Variants in SFMBT2 observed in about 807,000 individuals in gnomAD.
SFMBT2 encodes Scm like with four mbt domains 2, also known as scm-like with four MBT domains protein 2.
A neutral mutation model predicts 110.1 loss-of-function variants in SFMBT2; 38 were observed. The observed-to-expected ratio is 0.35, with a 90% CI of 0.27 to 0.45. The LOEUF is 0.45. Ranked by LOEUF, SFMBT2 falls within the 20% of genes least tolerant of loss-of-function variation. The pLI is 1.00. For missense variants in SFMBT2, 1,011 were observed against 1,094.9 expected (o/e 0.92, Z 1.08); for synonymous variants, 425 against 425.4 (o/e 1.00, Z 0.01).
At chr10:7,335,582 A>AACACACACACACACACACAC (rs3065781) in intron 4 of SFMBT2, among the ~76,000 whole-genome samples, 1 of 142,882 alleles carries the variant, frequency 7.0e-6, no homozygotes, top group African/African-American at 2.6e-5. Flanking sequence ...CAGAAACAGA[A>AACACACACACACACACACAC]ACACACACAC....
intron 4 of SFMBT2, among the ~76,000 whole-genome samples, chr10:7,326,051 T>A (rs1473726831): frequency 1.3e-5 from 2 of 152,224 alleles, no homozygotes; most frequent in Non-Finnish European, 2.9e-5. Context: ...AAAATAAATG[T>A]ACACTGATAT....
At chr10:7,349,440 C>CTTTTT (rs369479041) in intron 4 of SFMBT2, among the ~76,000 whole-genome samples, 557 of 46,888 alleles carry the variant, frequency 0.012, 127 homozygotes, top group African/African-American at 0.039. Flanking sequence ...CTTTTCTTTT[C>CTTTTT]TTTTTTTTTT....
intron 7 of SFMBT2, among the ~76,000 whole-genome samples, chr10:7,263,538 G>A (rs1052648904): frequency 6.6e-5 from 10 of 152,264 alleles, no homozygotes; most frequent in South Asian, 2.1e-4. Flanking sequence ...CACCGTGCCC[G>A]GCCAACAGCC....
chr10:7,205,046 G>C (rs992954343), intron 12 of SFMBT2: 1 of 489,036 alleles, frequency 2.0e-6, no homozygotes. Flanking sequence ...TGAAATATCA[G>C]TGATTAGTTA....
intron 11 of SFMBT2, chr10:7,214,855 G>GCAT: frequency 1.4e-6 from 1 of 726,064 alleles, no homozygotes; most frequent in Non-Finnish European, 1.7e-6. Flanking sequence ...TTTATAACAG[G>GCAT]GCTCCCCAGT....
chr10:7,367,009 C>T lies in SFMBT2; in HGVS notation c.436+640G>A, dbSNP rs1261886975. ...ACTAAATTGATCATATCTATATGGG[C>T]TTTGACCACTCCCTTGAGACCAATG... On this transcript the variant is annotated intron_variant, in intron 4 of 20. Coordinates refer to ENST00000397167, the MANE Select transcript of SFMBT2 (RefSeq NM_001387889.1). This position sits in a 1 kb window ranked among gnomAD's most constrained non-coding sequence, Gnocchi z 6.2. Among the ~76,000 whole-genome samples the T allele has an allele frequency of 6.6e-6, 1 of 151,920 alleles. No individual in the cohort carries two copies. Among genetic ancestry groups the T allele is most frequent in the African/African-American group, 2.4e-5 (1 of 41,364 alleles).
chr10:7,383,459 C>T (rs562222954), intron 1 of SFMBT2, among the ~76,000 whole-genome samples: 27 of 152,330 alleles, frequency 1.8e-4, no homozygotes, highest in Non-Finnish European at 2.1e-4. Context: ...GTACCAGGTA[C>T]ATAGCACTGA....
chr10:7,352,749 C>T (rs1471758166), intron 4 of SFMBT2, among the ~76,000 whole-genome samples: 16 of 152,318 alleles, frequency 1.1e-4, no homozygotes, highest in South Asian at 1.0e-3. Context: ...TGGTGGCTCA[C>T]GCCTGTAATC....
At chr10:7,320,185 T>C (rs1162793163) in intron 4 of SFMBT2, among the ~76,000 whole-genome samples, 1 of 152,248 alleles carries the variant, frequency 6.6e-6, no homozygotes, top group Non-Finnish European at 1.5e-5. Context: ...CTGTCATACA[T>C]GCGAAGTGAT....
At chr10:7,350,599 C>T (rs1844280826) in intron 4 of SFMBT2, among the ~76,000 whole-genome samples, 1 of 152,206 alleles carries the variant, frequency 6.6e-6, no homozygotes, top group African/African-American at 2.4e-5. Flanking sequence ...CTTGTCATTG[C>T]TCCAGGCTCA....
At chr10:7,164,960 C>T (rs369805015) in intron 20 of SFMBT2, among the ~76,000 whole-genome samples, 3 of 152,146 alleles carry the variant, frequency 2.0e-5, no homozygotes, top group African/African-American at 7.2e-5. Flanking sequence ...AAGACCCACT[C>T]CAAAGCTCTA....
intron 4 of SFMBT2, among the ~76,000 whole-genome samples, chr10:7,342,291 T>A (rs571309729): frequency 9.9e-5 from 15 of 151,570 alleles, no homozygotes; most frequent in Admixed American, 7.9e-4. Flanking sequence ...TAAGCATACA[T>A]GCCTGTGCAA....
Position 7,367,930 on chromosome 10 carries a change from G to C in SFMBT2, c.196-41C>G. 6.3e-7 allele frequency: 1 copy of C among 1,597,828 alleles called. No homozygotes were observed. Among genetic ancestry groups the C allele is most frequent in the Non-Finnish European group, 8.5e-7 (1 of 1,170,492 alleles). The stretch of plus-strand genomic sequence containing the variant: ...ATAGAGAAAACCCATTACTACACTA[G>C]ACACAATACATCCAGAAGATGACAA... On this transcript the variant is annotated intron_variant, in intron 3 of 20. Transcript: ENST00000397167. The surrounding 1 kb of genome is among the most constrained non-coding windows in gnomAD (Gnocchi z 6.2).
chr10:7,324,830 G>A (rs531555734), intron 4 of SFMBT2, among the ~76,000 whole-genome samples: 1 of 152,156 alleles, frequency 6.6e-6, no homozygotes, highest in Admixed American at 6.5e-5. Context: ...GTGTGCTCAG[G>A]CAGAGAAGGG....
chr10:7,262,664 G>T (rs1225689864), intron 7 of SFMBT2, among the ~76,000 whole-genome samples: 3 of 152,200 alleles, frequency 2.0e-5, no homozygotes, highest in Non-Finnish European at 4.4e-5. Context: ...CTATCTAACG[G>T]ACTGCAGACA....
At chr10:7,354,193 T>A (rs1844425165) in intron 4 of SFMBT2, among the ~76,000 whole-genome samples, 1 of 152,098 alleles carries the variant, frequency 6.6e-6, no homozygotes. Context: ...CCCAACAGTC[T>A]CGTATTGTTT....
intron 9 of SFMBT2, among the ~76,000 whole-genome samples, chr10:7,242,406 G>A (rs1292257925): frequency 2.0e-5 from 3 of 152,156 alleles, no homozygotes; most frequent in South Asian, 2.1e-4. Context: ...GGAGACCTAC[G>A]ATCCAAATGA....
chr10:7,176,340 C>G, intron 16 of SFMBT2, 175 bp from the exon 17 acceptor site: 1 of 553,820 alleles, frequency 1.8e-6, no homozygotes, highest in South Asian at 7.9e-5. Flanking sequence ...GAAGTGCTCA[C>G]TAGTGTGCAA....
At chr10:7,181,865 A>G (rs1213392591) in intron 16 of SFMBT2, among the ~76,000 whole-genome samples, 3 of 152,228 alleles carry the variant, frequency 2.0e-5, no homozygotes, top group Non-Finnish European at 4.4e-5. Flanking sequence ...CTAAGAGTTT[A>G]CCAACTGGCT....
Sources: gnomAD v4.1 joint callset for allele counts (sites outside exome capture counted in the v4.1 genomes callset) on GRCh38, gnomAD v4.1.1 for gene constraint, Gnocchi (gnomAD v3.1) non-coding constraint, MANE v1.5 for transcripts, NCBI Gene and HGNC (gene_info 2026-07-23, HGNC 2026-07-21) for gene names.